The following FYN variants were observed in gnomAD, a reference collection of about 807,000 sequenced individuals.
FYN encodes the protein FYN proto-oncogene, Src family tyrosine kinase.
A neutral mutation model predicts 70.2 loss-of-function variants in FYN; 10 were observed. The ratio of observed to expected loss-of-function variants is 0.14; its 90% CI spans 0.09 to 0.24. The LOEUF (loss-of-function observed/expected upper bound fraction) is 0.24, where lower values mean the gene tolerates loss of function less well. Ranked by LOEUF, FYN falls within the 10% of genes least tolerant of loss-of-function variation. FYN has a pLI of 1.00. For missense variants in FYN, 319 were observed against 673.1 expected (o/e 0.47, Z 5.82); for synonymous variants, 236 against 248.6 (o/e 0.95, Z 0.48).
chr6:111,703,203 G>A (rs1021477485), intron 7 of FYN, among the ~76,000 whole-genome samples, 169 bp from the exon 8 acceptor site: 2 of 152,164 alleles, frequency 1.3e-5, no homozygotes, highest in African/African-American at 2.4e-5. Flanking sequence ...TTGATGTTCT[G>A]CAAATGTCAG....
At chr6:111,821,103 T>C (rs951442554) in intron 2 of FYN, among the ~76,000 whole-genome samples, 2 of 152,198 alleles carry the variant, frequency 1.3e-5, no homozygotes, top group East Asian at 1.9e-4. Flanking sequence ...AAAGGGATCA[T>C]AGTTATCTTC....
chr6:111,708,063 A>G, intron 5 of FYN, 43 bp from the exon 6 acceptor site: 2 of 1,463,242 alleles, frequency 1.4e-6, no homozygotes, highest in Non-Finnish European at 1.9e-6. Context: ...CCATTTCAAC[A>G]GCTTGCAGTT....
chr6:111,813,396 G>C (rs1264332300), intron 2 of FYN, among the ~76,000 whole-genome samples: 1 of 152,296 alleles, frequency 6.6e-6, no homozygotes, highest in South Asian at 2.1e-4. Context: ...GCAAACTTGA[G>C]AGAATAATCA....
chr6:111,853,687 T>G (rs997450715), intron 1 of FYN, among the ~76,000 whole-genome samples: 1 of 152,188 alleles, frequency 6.6e-6, no homozygotes, highest in African/African-American at 2.4e-5. Flanking sequence ...GGTAAGATCA[T>G]AGTTCACTGC....
intron 13 of FYN, among the ~76,000 whole-genome samples, chr6:111,669,211 G>A (rs1798145916): frequency 1.3e-5 from 2 of 152,090 alleles, no homozygotes; most frequent in South Asian, 4.1e-4. Flanking sequence ...AAGGAGAGTG[G>A]ATCACCTGAG....
intron 1 of FYN, among the ~76,000 whole-genome samples, chr6:111,869,549 C>G (rs1472469858): frequency 2.0e-5 from 3 of 152,136 alleles, no homozygotes; most frequent in African/African-American, 4.8e-5. Flanking sequence ...TGCTACCATG[C>G]CTGGATAGTT....
intron 3 of FYN, among the ~76,000 whole-genome samples, chr6:111,744,258 G>A (rs1802109697): frequency 6.6e-6 from 1 of 152,230 alleles, no homozygotes. Flanking sequence ...ATCTGCGTTA[G>A]GGCCCACACC....
At chr6:111,872,125 C>A (rs1385077480) in intron 1 of FYN, among the ~76,000 whole-genome samples, 3 of 151,980 alleles carry the variant, frequency 2.0e-5, no homozygotes, top group African/African-American at 7.2e-5. Context: ...GAAGGAGGGG[C>A]AAGAAGGGTG....
At chr6:111,696,524 C>A in intron 9 of FYN, 68 bp from the exon 10 acceptor site, 1 of 1,248,608 alleles carries the variant, frequency 8.0e-7, no homozygotes, top group Non-Finnish European at 1.1e-6. Flanking sequence ...TTTTGACCAC[C>A]AGCTATTTGC....
In FYN at chr6:111,660,346, GCT is replaced by G. The variant is rs1016663111; in HGVS notation, c.*1391_*1392del. 31 of 152,128 alleles carry G rather than the reference GCT, an allele frequency of 2.0e-4. No homozygotes were observed. Among genetic ancestry groups the G allele is most frequent in the Admixed American group, 4.6e-4 (7 of 15,280 alleles). 9.4% of individuals were successfully genotyped at this position (152,128 alleles called of 1,614,324 possible). ...CAAAAAAAAAATTCAAATGTAAAAT[GCT>G]CTCTTTTTAATTACTAAATTAAGAA... On this transcript the variant is annotated 3_prime_UTR_variant, in exon 14 of 14. Transcript: ENST00000354650.
chr6:111,719,878 G>A lies in FYN; in HGVS notation c.174C>T (p.Gly58=), dbSNP rs145983616. Residue 58 remains glycine (G), a synonymous_variant, in exon 4 of 14, where the codon GGC becomes GGT. Transcript: ENST00000354650. ...CACCTCCAAAGACGGTGAGTCCTTGGCCCCCGGCTGCGTGGAAGTTGTTGT... is the reference window on the plus strand; with the variant it reads ...CACCTCCAAAGACGGTGAGTCCTTGACCCCCGGCTGCGTGGAAGTTGTTGT... The part of the protein sequence containing the change: ...PNYNNFHAAG[G]QGLTVFGGVN... 35 of 1,613,972 alleles carry A rather than the reference G, an allele frequency of 2.2e-5. No homozygotes were observed. The African/African-American group carries it at 4.5e-4, about 21-fold the overall frequency.
chr6:111,774,031 G>A (rs1046002812), intron 3 of FYN, among the ~76,000 whole-genome samples: 3 of 152,168 alleles, frequency 2.0e-5, no homozygotes, highest in African/African-American at 7.2e-5. Context: ...AGGTGGATGC[G>A]AGGCTGTGGG....
intron 3 of FYN, among the ~76,000 whole-genome samples, chr6:111,725,809 C>T (rs559335730): frequency 4.1e-4 from 63 of 152,238 alleles, no homozygotes; most frequent in Admixed American, 1.1e-3. Flanking sequence ...CTCCTACTCC[C>T]GGTGTATGTG....
intron 2 of FYN, among the ~76,000 whole-genome samples, chr6:111,790,695 C>T (rs1336300246): frequency 6.6e-6 from 1 of 152,188 alleles, no homozygotes; most frequent in Non-Finnish European, 1.5e-5. Flanking sequence ...AGATCTTGAT[C>T]TGAATCTCAG....
intron 3 of FYN, among the ~76,000 whole-genome samples, chr6:111,747,483 C>T (rs999486748): frequency 4.6e-5 from 7 of 152,200 alleles, no homozygotes; most frequent in African/African-American, 7.2e-5. Flanking sequence ...TCTTCTCCTG[C>T]GCAGCTGTCA....
At chr6:111,674,752 A>G in intron 12 of FYN, 122 bp from the exon 13 acceptor site, 2 of 1,055,280 alleles carry the variant, frequency 1.9e-6, no homozygotes, top group Non-Finnish European at 2.7e-6. Context: ...GAAGACAGAA[A>G]GGAGGTGAAG....
intron 1 of FYN, among the ~76,000 whole-genome samples, chr6:111,859,181 TCA>T (rs1479964400): frequency 6.6e-6 from 1 of 152,098 alleles, no homozygotes; most frequent in Non-Finnish European, 1.5e-5. Context: ...CAATCCAAGC[TCA>T]CGCCCCTTCC....
At chr6:111,863,045 C>T (rs1478686232) in intron 1 of FYN, among the ~76,000 whole-genome samples, 1 of 152,212 alleles carries the variant, frequency 6.6e-6, no homozygotes, top group African/African-American at 2.4e-5. Context: ...GCACTGAAGG[C>T]CAGGCTAAGG....
At chr6:111,678,095 C>T (rs1798613253) in intron 12 of FYN, among the ~76,000 whole-genome samples, 1 of 128,774 alleles carries the variant, frequency 7.8e-6, no homozygotes, top group African/African-American at 3.3e-5. Flanking sequence ...AGCCAATACA[C>T]GAAGGCCATA....
Sources: allele counts gnomAD v4.1 joint callset (sites outside exome capture counted in the v4.1 genomes callset), GRCh38; gene constraint gnomAD v4.1.1; transcripts MANE v1.5; gene names NCBI Gene and HGNC (gene_info 2026-07-23, HGNC 2026-07-21).